DOCK8: variants seen among roughly 807,000 people sequenced by gnomAD.
DOCK8 encodes dedicator of cytokinesis 8.
DOCK8 carries 141 observed loss-of-function variants against 245.6 expected under a neutral mutation model. The observed-to-expected ratio is 0.57, with a 90% CI of 0.50 to 0.66. The LOEUF is 0.66. Among genes scored for constraint, DOCK8 ranks in the 30% least tolerant of loss-of-function variants. DOCK8 has a pLI of 0.00. For missense variants in DOCK8, 2,965 were observed against 2,603.4 expected, an observed-to-expected ratio of 1.14 and a Z score of -3.02; for synonymous variants, 1,168 against 970.2, an observed-to-expected ratio of 1.20 and a Z score of -3.79.
At chr9:372,507 C>T (rs907782075) in intron 18 of DOCK8, among the ~76,000 whole-genome samples, 4 of 152,180 alleles carry the variant, frequency 2.6e-5, no homozygotes, top group African/African-American at 9.7e-5. Context: ...CCCAAGGCAG[C>T]ATAACCTTGC....
At chr9:355,379 AT>A (rs1196879807) in intron 14 of DOCK8, among the ~76,000 whole-genome samples, 1 of 151,196 alleles carries the variant, frequency 6.6e-6, no homozygotes, top group Non-Finnish European at 1.5e-5. Flanking sequence ...TATTTTTTGT[AT>A]TTTAGTAGAG....
intron 22 of DOCK8, among the ~76,000 whole-genome samples, chr9:383,018 G>T (rs2053788375): frequency 6.6e-6 from 1 of 152,096 alleles, no homozygotes; most frequent in African/African-American, 2.4e-5. Context: ...TTTGATACCT[G>T]GAAAGGTTGC....
At chr9:304,140 C>T (rs752650165) in intron 4 of DOCK8, among the ~76,000 whole-genome samples, 2 of 152,140 alleles carry the variant, frequency 1.3e-5, no homozygotes, top group Non-Finnish European at 1.5e-5. Flanking sequence ...TTAACCATGT[C>T]CCGCCTGCTT....
intron 14 of DOCK8, among the ~76,000 whole-genome samples, chr9:360,106 A>G (rs2052650125): frequency 6.6e-6 from 1 of 152,026 alleles, no homozygotes; most frequent in Non-Finnish European, 1.5e-5. Flanking sequence ...ACTTGAGGTC[A>G]GGAGTTCGAC....
chr9:426,484 G>A (rs1392775390), intron 33 of DOCK8, among the ~76,000 whole-genome samples: 1 of 152,174 alleles, frequency 6.6e-6, no homozygotes, highest in Non-Finnish European at 1.5e-5. Flanking sequence ...TCTCTCGCAT[G>A]TTGCAGGGGC....
intron 14 of DOCK8, among the ~76,000 whole-genome samples, chr9:367,016 TATATG>T (rs919128371): frequency 2.0e-5 from 3 of 152,204 alleles, no homozygotes; most frequent in African/African-American, 7.2e-5. Flanking sequence ...GCCATTTAGT[TATATG>T]ATATGGGGTG....
chr9:382,390 T>C lies in DOCK8; in HGVS notation c.2606-123T>C, dbSNP rs748429. 399,558 of 1,371,126 alleles carry C rather than the reference T, an allele frequency of 0.29. 65,456 individuals are homozygous for C. Among genetic ancestry groups the C allele is most frequent in the African/African-American group, 0.67 (46,828 of 70,162 alleles). 84.9% of individuals were successfully genotyped at this position (1,371,126 alleles called of 1,614,324 possible). ...CCCAACCAGGATTTGTTAAGAAGTC[T>C]CTAATTCCAAGGCCTAATCCGGTGG... On this transcript the variant is annotated intron_variant, in intron 21 of 47. Coordinates refer to ENST00000432829, the MANE Select transcript of DOCK8 (RefSeq NM_203447.4).
intron 40 of DOCK8, 145 bp from the exon 41 acceptor site, chr9:441,141 C>G (rs1331426542): frequency 1.2e-5 from 15 of 1,221,432 alleles, no homozygotes; most frequent in Non-Finnish European, 1.8e-5. Flanking sequence ...CAAAAGTGCT[C>G]AGATACCCCT....
Position 214,898 on chromosome 9 carries a change from C to T in DOCK8, c.-79C>T, listed in dbSNP as rs1181503697. On this transcript the variant is annotated 5_prime_UTR_variant, in exon 1 of 48. Transcript: ENST00000432829. ...AGGTTTGCGCTTGGCTGGGCATGTT[C>T]CGCGGCTACTCTGCGGCGCGCCAGG... 1.2e-6 allele frequency: 2 copies of T among 1,602,850 alleles called. No homozygotes were observed. The highest frequency in any genetic ancestry group is 1.1e-5 in the South Asian group (1 of 89,772).
At chr9:319,837 G>A (rs911468738) in intron 7 of DOCK8, among the ~76,000 whole-genome samples, 9 of 151,950 alleles carry the variant, frequency 5.9e-5, no homozygotes, top group African/African-American at 1.9e-4. Context: ...TGTTTTAAAT[G>A]GAGAAATATT....
chr9:334,274 A>G lies in DOCK8; in HGVS notation c.1175A>G (p.Gln392Arg), dbSNP rs898931923. 5 of 1,614,124 alleles carry G rather than the reference A, an allele frequency of 3.1e-6. No homozygotes were observed. Among genetic ancestry groups the G allele is most frequent in the Middle Eastern group, 1.6e-4 (1 of 6,084 alleles). Residue 392 changes from glutamine to arginine, a missense_variant, in exon 11 of 48, where the codon CAG (glutamine) becomes CGG (arginine). Physicochemically the swap from Gln to Arg is conservative, Grantham distance 43 (BLOSUM62 1). Coordinates refer to ENST00000432829, the MANE Select transcript of DOCK8 (RefSeq NM_203447.4). ...KLKLQAESFC[Q>R]RLGKYRMPFA... ...AAACTCCAAGCTGAATCCTTCTGCCAGCGTTTGGGGAAATACCGGATGCCC... is the reference window on the plus strand; with the variant it reads ...AAACTCCAAGCTGAATCCTTCTGCCGGCGTTTGGGGAAATACCGGATGCCC...
Position 325,686 on chromosome 9 carries a change from T to G in DOCK8, c.843T>G (p.Ile281Met), listed in dbSNP as rs2050736381. 1.9e-6 allele frequency: 3 copies of G among 1,613,964 alleles called. No homozygotes were observed. The highest frequency in any genetic ancestry group is 2.5e-6 in the Non-Finnish European group (3 of 1,179,932). Reference protein sequence around the residue: ...KLLTLKFEIEIEPLFASIALY... With the variant: ...KLLTLKFEIEMEPLFASIALY... Reference sequence around the variant, plus strand: ...TCTATGGTAGGTTCGAGATTGAAATTGAGCCCCTGTTTGCCAGCATTGCCC... The same window carrying G: ...TCTATGGTAGGTTCGAGATTGAAATGGAGCCCCTGTTTGCCAGCATTGCCC... Residue 281 changes from isoleucine (I) to methionine (M), a missense_variant, in exon 8 of 48, where the codon ATT becomes ATG. Coordinates refer to ENST00000432829, the MANE Select transcript of DOCK8 (RefSeq NM_203447.4).
At chr9:451,894 CATATACATATACAT>C in intron 45 of DOCK8, 103 bp from the exon 46 acceptor site, 1 of 40,698 alleles carries the variant, frequency 2.5e-5, no homozygotes, top group Non-Finnish European at 6.7e-5. Flanking sequence ...CATATATATG[CATATACATATACAT>C]ATGCATATAC....
At chr9:335,152 C>T (rs1370817623) in intron 11 of DOCK8, among the ~76,000 whole-genome samples, 2 of 152,090 alleles carry the variant, frequency 1.3e-5, no homozygotes, top group East Asian at 1.9e-4. Flanking sequence ...TTTACTTTGC[C>T]AAGTGCAATG....
In DOCK8 at chr9:376,206, A is replaced by C. The variant is rs372778527; in HGVS notation, c.2110-4A>C. The stretch of plus-strand genomic sequence containing the variant: ...CTAATCTTTTTTTTTTCTCTTTAAC[A>C]CAGAAAGTCCCATTACAGAATCCTC... On this transcript the variant is annotated splice_region_variant and splice_polypyrimidine_tract_variant and intron_variant, in intron 18 of 47. Coordinates refer to ENST00000432829, the MANE Select transcript of DOCK8 (RefSeq NM_203447.4). 9 of 1,601,654 alleles carry C rather than the reference A, an allele frequency of 5.6e-6. No homozygotes were observed. The highest frequency in any genetic ancestry group is 7.7e-6 in the Non-Finnish European group (9 of 1,168,850).
chr9:323,390 G>A (rs2050611759), intron 7 of DOCK8, among the ~76,000 whole-genome samples: 1 of 151,630 alleles, frequency 6.6e-6, no homozygotes, highest in African/African-American at 2.4e-5. Context: ...CGCTCGGCCA[G>A]TTTTTGTGGT....
chr9:337,791 C>G (rs2051385418), intron 12 of DOCK8, among the ~76,000 whole-genome samples: 1 of 152,130 alleles, frequency 6.6e-6, no homozygotes, highest in Non-Finnish European at 1.5e-5. Context: ...TTTTGCAAGA[C>G]AAAAGCATTC....
At chr9:317,854 C>T (rs970579186) in intron 7 of DOCK8, among the ~76,000 whole-genome samples, 1 of 152,128 alleles carries the variant, frequency 6.6e-6, no homozygotes, top group Non-Finnish European at 1.5e-5. Context: ...TTCTCATTCC[C>T]TTTATAAACA....
chr9:300,903 A>T (rs1463144538), intron 4 of DOCK8, among the ~76,000 whole-genome samples: 1 of 152,184 alleles, frequency 6.6e-6, no homozygotes, highest in African/African-American at 2.4e-5. Flanking sequence ...CAGCCAAATT[A>T]TACCAGATAT....
Sources: allele counts gnomAD v4.1 joint callset (sites outside exome capture counted in the v4.1 genomes callset), GRCh38; gene constraint gnomAD v4.1.1; transcripts MANE v1.5; gene names NCBI Gene and HGNC (gene_info 2026-07-23, HGNC 2026-07-21).